Variants in WWOX observed in about 807,000 individuals in gnomAD.
WWOX encodes WW domain containing oxidoreductase.
In WWOX, 69 loss-of-function variants were observed where a neutral mutation model predicts 46.2. The observed-to-expected ratio is 1.49, with a 90% CI of 1.23 to 1.82. WWOX has a LOEUF of 1.82. WWOX is among the 40% of genes most tolerant of loss of function. The pLI, the probability that WWOX is intolerant of heterozygous loss-of-function variation, is 0.00. For synonymous variants in WWOX, 359 were observed against 202.6 expected (o/e 1.77, Z -6.56); for missense variants, 919 against 542.6 (o/e 1.69, Z -6.89).
intron 8 of WWOX, among the ~76,000 whole-genome samples, chr16:79,162,026 A>T (rs549098499): frequency 6.6e-6 from 1 of 152,142 alleles, no homozygotes; most frequent in African/African-American, 2.4e-5. Context: ...TGTCTCCCAG[A>T]TCTGTCCTTT....
At chr16:78,232,347 A>G (rs1161740759) in intron 5 of WWOX, among the ~76,000 whole-genome samples, 2 of 152,192 alleles carry the variant, frequency 1.3e-5, no homozygotes, top group African/African-American at 4.8e-5. Context: ...CTGCATTTAT[A>G]AATACACAAA....
chr16:78,844,515 G>A (rs368831875), intron 8 of WWOX, among the ~76,000 whole-genome samples: 2 of 152,012 alleles, frequency 1.3e-5, no homozygotes, highest in South Asian at 2.1e-4. Context: ...TCCCGAGCCC[G>A]AACATCAATC....
intron 8 of WWOX, among the ~76,000 whole-genome samples, chr16:79,197,419 A>G (rs1161995394): frequency 6.6e-6 from 1 of 152,154 alleles, no homozygotes; most frequent in Non-Finnish European, 1.5e-5. Context: ...GAGAGTATTC[A>G]TACCATGGGA....
chr16:78,917,508 A>G (rs1264840917), intron 8 of WWOX, among the ~76,000 whole-genome samples: 3 of 152,028 alleles, frequency 2.0e-5, no homozygotes, highest in Non-Finnish European at 4.4e-5. Flanking sequence ...ATTTAATTCA[A>G]GACTTCATGA....
intron 5 of WWOX, among the ~76,000 whole-genome samples, chr16:78,246,739 G>C (rs1255926888): frequency 6.6e-6 from 1 of 152,186 alleles, no homozygotes; most frequent in African/African-American, 2.4e-5. Context: ...CCGACCATCA[G>C]TCATGAGTCC....
At chr16:78,184,589 A>G (rs948968965) in intron 5 of WWOX, among the ~76,000 whole-genome samples, 3 of 152,150 alleles carry the variant, frequency 2.0e-5, no homozygotes, top group African/African-American at 4.8e-5. Flanking sequence ...AACATATGGC[A>G]TGAATTTTCT....
intron 5 of WWOX, among the ~76,000 whole-genome samples, chr16:78,358,525 G>A (rs897588118): frequency 1.3e-5 from 2 of 152,214 alleles, no homozygotes; most frequent in East Asian, 1.9e-4. Flanking sequence ...GGGTGTGGTG[G>A]CACATGCCTG....
chr16:78,945,139 C>G (rs1414384421), intron 8 of WWOX, among the ~76,000 whole-genome samples: 1 of 152,078 alleles, frequency 6.6e-6, no homozygotes, highest in Admixed American at 6.5e-5. Context: ...GAGACCGCAC[C>G]TCTGGAGTCC....
intron 8 of WWOX, among the ~76,000 whole-genome samples, chr16:78,740,413 T>G (rs2049190637): frequency 6.6e-6 from 1 of 152,122 alleles, no homozygotes; most frequent in South Asian, 2.1e-4. Flanking sequence ...GTTGGCAGCG[T>G]CCTTTGGCTT....
At chr16:78,422,202 C>A (rs896577996) in intron 6 of WWOX, among the ~76,000 whole-genome samples, 11 of 152,064 alleles carry the variant, frequency 7.2e-5, no homozygotes, top group African/African-American at 2.7e-4. Context: ...AAATATGGGG[C>A]TTCTATATGA....
chr16:78,120,726 AG>A (rs1567582874), intron 4 of WWOX, among the ~76,000 whole-genome samples: 1 of 152,210 alleles, frequency 6.6e-6, no homozygotes, highest in Admixed American at 6.5e-5. Flanking sequence ...TGTGAACTGT[AG>A]TTGCCATACT....
intron 8 of WWOX, among the ~76,000 whole-genome samples, chr16:78,644,067 A>G (rs1009768508): frequency 6.6e-6 from 1 of 152,118 alleles, no homozygotes; most frequent in African/African-American, 2.4e-5. Flanking sequence ...TTCTAAAAGT[A>G]CAAAATTAGC....
intron 8 of WWOX, among the ~76,000 whole-genome samples, chr16:78,697,243 G>C (rs903263795): frequency 5.9e-5 from 9 of 152,188 alleles, no homozygotes; most frequent in Admixed American, 2.0e-4. Context: ...TCTCCACACT[G>C]TTTTCCATAG....
At chr16:78,894,768 C>G (rs888624716) in intron 8 of WWOX, among the ~76,000 whole-genome samples, 1 of 152,072 alleles carries the variant, frequency 6.6e-6, no homozygotes, top group African/African-American at 2.4e-5. Flanking sequence ...AAAATCATGC[C>G]TTGAAGATGT....
At chr16:78,141,560 G>T (rs1331332976) in intron 4 of WWOX, among the ~76,000 whole-genome samples, 1 of 151,510 alleles carries the variant, frequency 6.6e-6, no homozygotes, top group Non-Finnish European at 1.5e-5. Flanking sequence ...GGGAGGAAAG[G>T]ATTGTTCATA....
At chr16:78,699,216 GAAGGCCTAACTCAGTTAAACATTAC>G (rs2048161882) in intron 8 of WWOX, among the ~76,000 whole-genome samples, 2 of 152,182 alleles carry the variant, frequency 1.3e-5, no homozygotes, top group South Asian at 4.1e-4. Context: ...CTCTGCTTTG[GAAGGCCTAACTCAGTTAAACATTAC>G]AAGTTCATGC....
chr16:78,949,709 A>G (rs1434590145), intron 8 of WWOX, among the ~76,000 whole-genome samples: 2 of 152,204 alleles, frequency 1.3e-5, no homozygotes, highest in Non-Finnish European at 2.9e-5. Flanking sequence ...GCATCGTGCC[A>G]TAGCTGTCCC....
At chr16:78,330,907 G>C (rs1283212914) in intron 5 of WWOX, among the ~76,000 whole-genome samples, 1 of 152,198 alleles carries the variant, frequency 6.6e-6, no homozygotes, top group Admixed American at 6.5e-5. Flanking sequence ...TTTCAATACA[G>C]TTAGTCTCTC....
intron 8 of WWOX, chr16:79,204,308 G>A (rs748412250): frequency 2.6e-5 from 4 of 152,106 alleles, no homozygotes; most frequent in Non-Finnish European, 5.9e-5. Context: ...GGTCCGGTCA[G>A]TTCTAGAACG....
Sources: allele counts gnomAD v4.1 joint callset (sites outside exome capture counted in the v4.1 genomes callset), GRCh38; gene constraint gnomAD v4.1.1; transcripts MANE v1.5; gene names NCBI Gene and HGNC (gene_info 2026-07-23, HGNC 2026-07-21).